The following FAM20A variants were observed in gnomAD, a reference collection of about 807,000 sequenced individuals.
FAM20A encodes pseudokinase FAM20A.
FAM20A carries 42 observed loss-of-function variants against 52.0 expected under a neutral mutation model. The ratio of observed to expected loss-of-function variants is 0.81; its 90% CI spans 0.63 to 1.04. FAM20A has a LOEUF of 1.04. FAM20A is among the 50% of genes least tolerant of loss of function. FAM20A has a pLI of 0.00. For missense variants in FAM20A, 742 were observed against 712.7 expected (o/e 1.04, Z -0.47); for synonymous variants, 304 against 298.9 (o/e 1.02, Z -0.18).
At chr17:68,599,041 T>C (rs569742962) in intron 1 of FAM20A, among the ~76,000 whole-genome samples, 4 of 152,340 alleles carry the variant, frequency 2.6e-5, no homozygotes, top group African/African-American at 7.2e-5. Flanking sequence ...ATGTGAGCCG[T>C]AGAGTTACTA....
intron 1 of FAM20A, among the ~76,000 whole-genome samples, chr17:68,581,410 C>CTTTG (rs2087971830): frequency 7.3e-6 from 1 of 137,154 alleles, no homozygotes; most frequent in African/African-American, 2.7e-5. Context: ...TTCTTTCTTT[C>CTTTG]TTTCTTTTTC....
At chr17:68,548,723 A>ATTTTTTTTT (rs200833117) in intron 4 of FAM20A, among the ~76,000 whole-genome samples, 2 of 117,944 alleles carry the variant, frequency 1.7e-5, no homozygotes, top group Non-Finnish European at 1.7e-5. Flanking sequence ...CTATGCCTGT[A>ATTTTTTTTT]TATTTTTTTT....
At chr17:68,550,890 CTCTT>C (rs2086805078) in intron 4 of FAM20A, among the ~76,000 whole-genome samples, 1 of 152,234 alleles carries the variant, frequency 6.6e-6, no homozygotes, top group African/African-American at 2.4e-5. Context: ...GGGACTGAAA[CTCTT>C]TATTCGGTGC....
chr17:68,553,388 T>G (rs1044229390), intron 3 of FAM20A, among the ~76,000 whole-genome samples: 2 of 152,202 alleles, frequency 1.3e-5, no homozygotes, highest in Non-Finnish European at 2.9e-5. Context: ...AGTGTAAAAA[T>G]GGACTAATAC....
At chr17:68,591,399 C>T (rs2088304579) in intron 1 of FAM20A, among the ~76,000 whole-genome samples, 1 of 152,176 alleles carries the variant, frequency 6.6e-6, no homozygotes, top group Non-Finnish European at 1.5e-5. Context: ...GCACCCGGCC[C>T]CAAGGACTCT....
chr17:68,594,456 C>T (rs1454775176), intron 1 of FAM20A, among the ~76,000 whole-genome samples: 1 of 151,926 alleles, frequency 6.6e-6, no homozygotes, highest in African/African-American at 2.4e-5. Context: ...TAACAGAGTA[C>T]CACAAACCTA....
chr17:68,588,369 C>T (rs2088216435), intron 1 of FAM20A, among the ~76,000 whole-genome samples: 1 of 152,198 alleles, frequency 6.6e-6, no homozygotes, highest in Non-Finnish European at 1.5e-5. Flanking sequence ...TATGGCTTTG[C>T]CCCTGCCCCA....
chr17:68,541,895 GATTCAAAAGCC>G, intron 7 of FAM20A, 79 bp downstream of exon 7: 2 of 1,468,540 alleles, frequency 1.4e-6, no homozygotes, highest in Admixed American at 4.1e-5. Flanking sequence ...CAGCTTTTCA[GATTCAAAAGCC>G]AAGCTAGCAA....
At chr17:68,551,212 C>A in intron 4 of FAM20A, 1 of 1,021,656 alleles carries the variant, frequency 9.8e-7, no homozygotes, top group Non-Finnish European at 1.3e-6. Context: ...CAAGCTCTGT[C>A]TAAGGACTCA....
At position 68,575,918 on chromosome 17, in the gene FAM20A, G is replaced by A. The variant is rs74000762; in HGVS notation, c.405-20175C>T. Among the ~76,000 whole-genome samples the A allele has an allele frequency of 7.1e-3, 1,071 of 149,930 alleles. 12 individuals carry two copies. The highest frequency in any genetic ancestry group is 0.024 in the African/African-American group (993 of 40,540). On this transcript the variant is annotated intron_variant, in intron 1 of 10. Coordinates refer to ENST00000592554, the MANE Select transcript of FAM20A (RefSeq NM_017565.4). ...TTTCTGAGAACCAAGTCCAAAGGGC[G>A]CCCCCTAAGAATGGCCTTTCCCTTG... is the stretch of plus-strand genomic sequence containing the variant.
chr17:68,540,570 G>A, intron 8 of FAM20A: 1 of 543,742 alleles, frequency 1.8e-6, no homozygotes, highest in South Asian at 1.5e-5. Flanking sequence ...ACTTGGTGAA[G>A]TGAACATACA....
rs1326451370 is a variant in FAM20A, at chr17:68,536,571, C to A, written c.*906G>T. On this transcript the variant is annotated 3_prime_UTR_variant, in exon 11 of 11. Transcript: ENST00000592554. Reference sequence around the variant, plus strand: ...TAGAGGGCCTCACCTTTCCACATAGCCCCTTTCTTCTTTTGGGGATGGGCC... The same window carrying A: ...TAGAGGGCCTCACCTTTCCACATAGACCCTTTCTTCTTTTGGGGATGGGCC... 1 of 453,650 alleles carries A rather than the reference C, an allele frequency of 2.2e-6. No individual in the cohort carries two copies. The highest frequency in any genetic ancestry group is 2.0e-5 in the African/African-American group (1 of 49,910). 28.1% of individuals were successfully genotyped at this position (453,650 alleles called of 1,614,324 possible).
At position 68,600,563 on chromosome 17, in the gene FAM20A, A is replaced by C. The variant is rs1044784571; in HGVS notation, c.104T>G (p.Leu35Arg). The C allele has an allele frequency of 3.9e-6, 6 of 1,557,488 alleles. No homozygotes were observed. The Admixed American group carries it at 9.7e-5, about 25-fold the overall frequency. The change falls in exon 1 of 11, where the codon CTG (leucine) becomes CGG (arginine). Residue 35 changes from leucine (L) to arginine (R), a missense_variant. Leu to Arg is a moderately radical substitution (Grantham distance 102, BLOSUM62 -2). Coordinates refer to ENST00000592554, the MANE Select transcript of FAM20A (RefSeq NM_017565.4). This position sits in a 1 kb window ranked among gnomAD's most constrained non-coding sequence, Gnocchi z 6.2. Reference protein sequence around the residue: ...FHLWPQVQRQLRPRERPRGCP... With the variant: ...FHLWPQVQRQRRPRERPRGCP... ...CCCCCGCGGGCGCTCCCGAGGCCGC[A>C]GCTGGCGCTGTACTTGGGGCCAGAG...
At chr17:68,540,505 G>A (rs532907560) in intron 8 of FAM20A, 3 of 478,370 alleles carry the variant, frequency 6.3e-6, no homozygotes, top group South Asian at 1.5e-5. Flanking sequence ...CTCGCCTGAG[G>A]CCCTCCCTGC....
chr17:68,587,088 G>T lies in FAM20A; in HGVS notation c.404+13175C>A, dbSNP rs143617575. On this transcript the variant is annotated intron_variant, in intron 1 of 10. Coordinates refer to ENST00000592554, the MANE Select transcript of FAM20A (RefSeq NM_017565.4). ...ATTTTGTATTTTTAGTAGCGATGGG[G>T]TTTCTCCATGTTGGCCAGGATGGTC... is the stretch of plus-strand genomic sequence containing the variant. Among the ~76,000 whole-genome samples, 1,431 of 152,248 alleles carry T rather than the reference G, an allele frequency of 9.4e-3. 19 individuals carry two copies. Among genetic ancestry groups the T allele is most frequent in the Non-Finnish European group, 0.013 (914 of 68,014 alleles).
At chr17:68,571,940 ATATATATATGTGTGTGTGTG>A (rs2087548060) in intron 1 of FAM20A, among the ~76,000 whole-genome samples, 1 of 145,014 alleles carries the variant, frequency 6.9e-6, no homozygotes, top group Non-Finnish European at 1.5e-5. Context: ...TTATGTAGAA[ATATATATATGTGTGTGTGTG>A]TATATATATG....
chr17:68,554,880 C>G, intron 2 of FAM20A, 53 bp from the exon 3 acceptor site: 1 of 1,582,054 alleles, frequency 6.3e-7, no homozygotes, highest in Non-Finnish European at 8.7e-7. Flanking sequence ...CCTGGGAGAG[C>G]CTACAACATG....
At position 68,601,238 on chromosome 17, in the gene FAM20A, G is replaced by A. The variant is rs1250998566; in HGVS notation, c.-572C>T. 1 of 152,230 alleles carries A rather than the reference G, an allele frequency of 6.6e-6. No homozygotes were observed. The highest frequency in any genetic ancestry group is 2.4e-5 in the African/African-American group (1 of 41,434). 9.4% of individuals were successfully genotyped at this position (152,230 alleles called of 1,614,324 possible). A position where few individuals can be genotyped will look rare whatever the true frequency, so the allele number is the denominator to read the frequency against. On this transcript the variant is annotated 5_prime_UTR_variant, in exon 1 of 11. Coordinates refer to ENST00000592554, the MANE Select transcript of FAM20A (RefSeq NM_017565.4). The stretch of plus-strand genomic sequence containing the variant: ...GAGTTGGCGAAGCAGGAGCGGCTCC[G>A]GGGAGCTTGTCTGTGCGCCTGGACT...
chr17:68,540,835 G>T lies in FAM20A; in HGVS notation c.1219+14C>A. 6.3e-7 allele frequency: 1 copy of T among 1,586,668 alleles called. No individual in the cohort carries two copies. Among genetic ancestry groups the T allele is most frequent in the African/African-American group, 1.3e-5 (1 of 74,696 alleles). On this transcript the variant is annotated intron_variant, in intron 8 of 10. Coordinates refer to ENST00000592554, the MANE Select transcript of FAM20A (RefSeq NM_017565.4). ...GAGCCCACTTCTGCTGGGGGCCTGCGTGTGGGGACCTACCTATCAAGAAGT... is the reference window on the plus strand; with the variant it reads ...GAGCCCACTTCTGCTGGGGGCCTGCTTGTGGGGACCTACCTATCAAGAAGT...
Sources: allele counts gnomAD v4.1 joint callset (sites outside exome capture counted in the v4.1 genomes callset), GRCh38; gene constraint gnomAD v4.1.1; non-coding constraint Gnocchi (gnomAD v3.1); transcripts MANE v1.5; gene names NCBI Gene and HGNC (gene_info 2026-07-23, HGNC 2026-07-21).